The following ZBTB7C variants were observed in gnomAD, a reference collection of about 807,000 sequenced individuals.
The protein encoded by ZBTB7C is zinc finger and BTB domain containing 7C, also known as zinc finger and BTB domain-containing protein 7C.
A neutral mutation model predicts 25.7 loss-of-function variants in ZBTB7C; 8 were observed. The observed-to-expected ratio is 0.31, with a 90% CI of 0.18 to 0.56. The LOEUF (loss-of-function observed/expected upper bound fraction) is 0.56. Among genes scored for constraint, ZBTB7C ranks in the 20% least tolerant of loss-of-function variants. The pLI, the probability that ZBTB7C is intolerant of heterozygous loss-of-function variation, is 0.91. For synonymous variants in ZBTB7C, 394 were observed against 369.0 expected (o/e 1.07, Z -0.78); for missense variants, 824 against 855.2 (o/e 0.96, Z 0.46).
At chr18:48,409,742 T>TG (rs150116638), upstream of ZBTB7C, among the ~76,000 whole-genome samples, 1,070 of 151,114 alleles carry the variant, frequency 7.1e-3, 15 homozygotes, top group African/African-American at 0.022. Flanking sequence ...GGAGGCGGAG[T>TG]GGGGGGGCCG....
intron 1 of ZBTB7C, among the ~76,000 whole-genome samples, chr18:48,385,753 G>A (rs1482040038): frequency 6.6e-6 from 1 of 152,210 alleles, no homozygotes; most frequent in Non-Finnish European, 1.5e-5. Context: ...TATTTGCCGA[G>A]TCGTGATTTG....
At chr18:48,274,213 T>C (rs542229026) in intron 2 of ZBTB7C, among the ~76,000 whole-genome samples, 3 of 152,340 alleles carry the variant, frequency 2.0e-5, no homozygotes, top group South Asian at 2.1e-4. Flanking sequence ...CCAGACTACC[T>C]CTCAATACCC....
At chr18:48,257,863 G>GA (rs1038800077) in intron 2 of ZBTB7C, among the ~76,000 whole-genome samples, 2 of 151,424 alleles carry the variant, frequency 1.3e-5, no homozygotes, top group East Asian at 1.9e-4. Flanking sequence ...TTCTGATTAA[G>GA]AAAAAAACCT....
chr18:48,243,521 T>C (rs555223347), intron 2 of ZBTB7C, among the ~76,000 whole-genome samples: 22 of 152,040 alleles, frequency 1.4e-4, no homozygotes, highest in Non-Finnish European at 2.6e-4. Flanking sequence ...AAAGAAATCA[T>C]AGACAACACA....
intron 3 of ZBTB7C, among the ~76,000 whole-genome samples, chr18:48,104,278 A>G (rs1164311821): frequency 6.6e-6 from 1 of 152,128 alleles, no homozygotes; most frequent in African/African-American, 2.4e-5. Context: ...TGATTGTTAA[A>G]AAGAGCCTGG....
chr18:48,031,617 C>G (rs918099998), intron 4 of ZBTB7C, among the ~76,000 whole-genome samples: 1 of 152,218 alleles, frequency 6.6e-6, no homozygotes, highest in African/African-American at 2.4e-5. Context: ...TAAAACAGTG[C>G]TGGGCCCTAC....
chr18:48,404,201 G>A (rs1352352416), intron 1 of ZBTB7C, among the ~76,000 whole-genome samples: 2 of 152,170 alleles, frequency 1.3e-5, no homozygotes, highest in African/African-American at 2.4e-5. Flanking sequence ...GCAGTGAGCC[G>A]AGATCGTGCC....
chr18:48,372,677 A>C (rs1303964716), intron 1 of ZBTB7C, among the ~76,000 whole-genome samples: 1 of 152,160 alleles, frequency 6.6e-6, no homozygotes, highest in African/African-American at 2.4e-5. Context: ...CAACATGGCC[A>C]TGGTCAGGGC....
Position 48,137,101 on chromosome 18 carries a change from G to A in ZBTB7C, c.-17+48833C>T, listed in dbSNP as rs565373805. On this transcript the variant is annotated intron_variant, in intron 3 of 4. Transcript: ENST00000590800. ...GAATCCACGCGGCCGCGCTGCTCGCGGGAGCCTGCCGCAGCCGGCGGGAGG... is the reference window on the plus strand; with the variant it reads ...GAATCCACGCGGCCGCGCTGCTCGCAGGAGCCTGCCGCAGCCGGCGGGAGG... The A allele has an allele frequency of 3.4e-4, 339 of 985,464 alleles. 1 individual carries two copies. The African/African-American group carries it at 5.5e-3, about 16-fold the overall frequency. 61.0% of individuals were successfully genotyped at this position (985,464 alleles called of 1,614,324 possible).
intron 2 of ZBTB7C, among the ~76,000 whole-genome samples, chr18:48,200,431 C>G (rs1184675507): frequency 1.3e-5 from 2 of 152,130 alleles, no homozygotes; most frequent in Non-Finnish European, 2.9e-5. Flanking sequence ...GAGACAGACT[C>G]AGTCCACAGT....
At chr18:48,078,646 A>C (rs2037864831) in intron 3 of ZBTB7C, among the ~76,000 whole-genome samples, 1 of 152,198 alleles carries the variant, frequency 6.6e-6, no homozygotes, top group Non-Finnish European at 1.5e-5. Context: ...CTCACACCAG[A>C]GTGGTAGAGA....
chr18:48,093,608 T>TAA (rs975594615), intron 3 of ZBTB7C, among the ~76,000 whole-genome samples: 5 of 142,022 alleles, frequency 3.5e-5, no homozygotes, highest in African/African-American at 5.3e-5. Context: ...CAGCAGTGAT[T>TAA]AAAAAAAAAC....
At chr18:48,373,786 C>CCCA (rs2047448522) in intron 1 of ZBTB7C, among the ~76,000 whole-genome samples, 1 of 152,082 alleles carries the variant, frequency 6.6e-6, no homozygotes, top group Admixed American at 6.5e-5. Flanking sequence ...ACGGTGAAAC[C>CCCA]CCATCTCTAC....
intron 3 of ZBTB7C, among the ~76,000 whole-genome samples, chr18:48,104,860 C>T (rs1240478607): frequency 6.6e-6 from 1 of 152,216 alleles, no homozygotes; most frequent in East Asian, 1.9e-4. Context: ...CGTGCAGTGC[C>T]TCCCAGGCCC....
At position 48,385,348 on chromosome 18, in the gene ZBTB7C, G is replaced by A. The variant is rs374376549; in HGVS notation, c.-304+23878C>T. Among the ~76,000 whole-genome samples, 79 of 152,218 alleles carry A rather than the reference G, an allele frequency of 5.2e-4. 1 individual carries two copies. In the South Asian group the frequency reaches 0.015, roughly 28 times the overall value. ...CAGTACCTACAATGTCCTGCAGTGC[G>A]TGGCCATTAGAAAGCTGGCGATGAC... On this transcript the variant is annotated intron_variant, in intron 1 of 4. Transcript: ENST00000590800.
At chr18:48,252,651 C>T (rs61743464) in intron 2 of ZBTB7C, 3,738 of 152,538 alleles carry the variant, frequency 0.025, 82 homozygotes, top group African/African-American at 0.054. Context: ...GTCTCCCTCT[C>T]TTTCCTCCAA....
At chr18:48,249,302 T>C (rs2144416877) in intron 2 of ZBTB7C, among the ~76,000 whole-genome samples, 1 of 152,338 alleles carries the variant, frequency 6.6e-6, no homozygotes, top group East Asian at 1.9e-4. Flanking sequence ...AAAAAGCTAT[T>C]TGCAAGAAGA....
chr18:48,039,208 C>A (rs1007183742), intron 4 of ZBTB7C, among the ~76,000 whole-genome samples: 1 of 152,150 alleles, frequency 6.6e-6, no homozygotes, highest in African/African-American at 2.4e-5. Flanking sequence ...AAGAGGAGAA[C>A]ATAAAAAGAG....
chr18:48,209,175 G>A (rs1406844605), intron 2 of ZBTB7C, among the ~76,000 whole-genome samples: 3 of 152,194 alleles, frequency 2.0e-5, no homozygotes, highest in African/African-American at 7.2e-5. Context: ...TGCCAAGGAG[G>A]CAATGGATGC....
Sources: gnomAD v4.1 joint callset for allele counts (sites outside exome capture counted in the v4.1 genomes callset) on GRCh38, gnomAD v4.1.1 for gene constraint, MANE v1.5 for transcripts, NCBI Gene and HGNC (gene_info 2026-07-23, HGNC 2026-07-21) for gene names.